PCDHGB2: variants seen among roughly 807,000 people sequenced by gnomAD.
PCDHGB2 encodes the protein protocadherin gamma-B2.
A neutral mutation model predicts 59.3 loss-of-function variants in PCDHGB2; 55 were observed. The observed-to-expected ratio is 0.93, with a 90% confidence interval of 0.75 to 1.16. The LOEUF is 1.16. Among genes scored for constraint, PCDHGB2 ranks in the 50% most tolerant of loss-of-function variants. The pLI, the probability that PCDHGB2 is intolerant of heterozygous loss-of-function variation, is 0.00. For missense variants in PCDHGB2, 1,228 were observed against 1,198.5 expected (o/e 1.02, Z -0.36); for synonymous variants, 516 against 512.0 (o/e 1.01, Z -0.11).
intron 1 of PCDHGB2, chr5:141,372,840 A>G (rs373804282): frequency 2.6e-6 from 4 of 1,521,774 alleles, no homozygotes; most frequent in Non-Finnish European, 3.5e-6. Context: ...CCTTCCATAA[A>G]TATAATTGGG....
chr5:141,447,428 G>C (rs542079336), intron 1 of PCDHGB2, among the ~76,000 whole-genome samples: 1 of 152,184 alleles, frequency 6.6e-6, no homozygotes, highest in African/African-American at 2.4e-5. Flanking sequence ...GTGAGCCACC[G>C]CACCCGGAGG....
intron 1 of PCDHGB2, chr5:141,374,688 G>A (rs750510871): frequency 3.1e-6 from 5 of 1,609,528 alleles, no homozygotes; most frequent in East Asian, 2.2e-5. Context: ...ACACTGGACC[G>A]GGAAGGAGAA....
chr5:141,403,816 A>G (rs2094457403), intron 1 of PCDHGB2: 4 of 1,613,874 alleles, frequency 2.5e-6, no homozygotes, highest in Non-Finnish European at 3.4e-6. Context: ...ATGAAAAACA[A>G]TCTCTGCTAT....
chr5:141,459,557 A>G (rs1052669136), intron 1 of PCDHGB2, among the ~76,000 whole-genome samples: 1 of 152,224 alleles, frequency 6.6e-6, no homozygotes, highest in East Asian at 1.9e-4. Context: ...TCTTGGATAA[A>G]TACCCCAAAA....
chr5:141,451,216 A>G (rs1561943760), intron 1 of PCDHGB2, among the ~76,000 whole-genome samples: 1 of 152,204 alleles, frequency 6.6e-6, no homozygotes, highest in Non-Finnish European at 1.5e-5. Context: ...TTAGTGGCTT[A>G]AAAGAAGCAT....
intron 1 of PCDHGB2, among the ~76,000 whole-genome samples, chr5:141,407,290 G>A (rs1025830566): frequency 3.3e-5 from 5 of 152,154 alleles, no homozygotes; most frequent in African/African-American, 1.2e-4. Context: ...TACAATTTCT[G>A]TTCTGAGGAG....
intron 1 of PCDHGB2, chr5:141,422,152 G>A (rs979405624): frequency 1.3e-5 from 20 of 1,575,764 alleles, no homozygotes; most frequent in Non-Finnish European, 1.5e-5. Flanking sequence ...GGGGTCTCTG[G>A]ATTTTGAAAA....
At chr5:141,443,980 T>A (rs2098412674) in intron 1 of PCDHGB2, among the ~76,000 whole-genome samples, 1 of 152,036 alleles carries the variant, frequency 6.6e-6, no homozygotes, top group South Asian at 2.1e-4. Context: ...CTAAGCTATG[T>A]TAATTTTATT....
At chr5:141,417,706 A>T in intron 1 of PCDHGB2, 1 of 1,214,910 alleles carries the variant, frequency 8.2e-7, no homozygotes, top group Non-Finnish European at 1.1e-6. Flanking sequence ...TCCCACACAG[A>T]GGCTCCCGGC....
At chr5:141,366,632 C>G (rs1232919866) in intron 1 of PCDHGB2, 1 of 1,614,252 alleles carries the variant, frequency 6.2e-7, no homozygotes. Context: ...GAAGAGTCAC[C>G]TGATCTTTCC....
At position 141,438,611 on chromosome 5, in the gene PCDHGB2, TATATATATATATATATATATATATACAC is replaced by T. The variant is rs1434670383; in HGVS notation, c.2422-56194_2422-56167del. On this transcript the variant is annotated intron_variant, in intron 1 of 3. Transcript: ENST00000522605. ...ACATACATATATATATATATATATA[TATATATATATATATATATATATATACAC>T]ACACACACACACATATATGTATATA... Among the ~76,000 whole-genome samples the T allele has an allele frequency of 2.7e-3, 107 of 39,370 alleles. 2 individuals are homozygous for T. Among genetic ancestry groups the T allele is most frequent in the Admixed American group, 0.019 (57 of 3,044 alleles). The allele number at this position is 39,370 out of a possible 152,430, so 25.8% of individuals were successfully genotyped here.
intron 1 of PCDHGB2, chr5:141,364,802 C>A (rs1312102403): frequency 6.8e-6 from 11 of 1,613,888 alleles, no homozygotes; most frequent in African/African-American, 5.3e-5. Flanking sequence ...TCCCTTCGCG[C>A]GGGATGCGGA....
intron 2 of PCDHGB2, among the ~76,000 whole-genome samples, chr5:141,497,621 C>T (rs769483223): frequency 7.3e-5 from 11 of 151,482 alleles, no homozygotes; most frequent in Non-Finnish European, 1.3e-4. Flanking sequence ...CTCACTGCAA[C>T]CTCTGCCTGC....
At chr5:141,394,968 T>C in intron 1 of PCDHGB2, 1 of 1,613,938 alleles carries the variant, frequency 6.2e-7, no homozygotes, top group Non-Finnish European at 8.5e-7. Context: ...GCTGAGGCGC[T>C]GGCACAAGTC....
At chr5:141,365,743 CT>C (rs2149881259) in intron 1 of PCDHGB2, 1 of 1,613,828 alleles carries the variant, frequency 6.2e-7, no homozygotes, top group Non-Finnish European at 8.5e-7. Context: ...GTGTCTCTAT[CT>C]TCTCTGTGAC....
rs762687404 is a variant in PCDHGB2 at position 141,486,468 on chromosome 5, A to G, written c.2422-8339A>G. Reference sequence around the variant, plus strand: ...ATGGTCACTGCTTCTGATGCTGGGAACCCTCCTCTCAGTACCCACAGAACT... The same window carrying G: ...ATGGTCACTGCTTCTGATGCTGGGAGCCCTCCTCTCAGTACCCACAGAACT... On this transcript the variant is annotated intron_variant, in intron 1 of 3. Transcript: ENST00000522605. This position sits in a 1 kb window ranked among gnomAD's most constrained non-coding sequence, Gnocchi z 5.0. The G allele has an allele frequency of 1.2e-6, 2 of 1,612,906 alleles. No individual in the cohort carries two copies. Among genetic ancestry groups the G allele is most frequent in the Middle Eastern group, 1.6e-4 (1 of 6,062 alleles).
intron 1 of PCDHGB2, chr5:141,393,135 A>T: frequency 6.2e-7 from 1 of 1,613,294 alleles, no homozygotes; most frequent in Non-Finnish European, 8.5e-7. Context: ...AAATATTAAC[A>T]CCCTGGTTGA....
Position 141,490,850 on chromosome 5 carries a change from G to A in PCDHGB2, c.2422-3957G>A, listed in dbSNP as rs374508743. The A allele has an allele frequency of 7.2e-5, 116 of 1,613,706 alleles. No homozygotes were observed. The highest frequency in any genetic ancestry group is 9.5e-5 in the Non-Finnish European group (112 of 1,179,902). ...ATGCTGCAGATTGTGGTGGGGGTTC[G>A]AGACTCCGGCTCTCCCCCATTGCAT... On this transcript the variant is annotated intron_variant, in intron 1 of 3. Transcript: ENST00000522605. This position sits in a 1 kb window ranked among gnomAD's most constrained non-coding sequence, Gnocchi z 5.4.
chr5:141,477,566 C>T lies in PCDHGB2; in HGVS notation c.2422-17241C>T, dbSNP rs749100730. On this transcript the variant is annotated intron_variant, in intron 1 of 3. Coordinates refer to ENST00000522605, the MANE Select transcript of PCDHGB2 (RefSeq NM_018923.3). The surrounding 1 kb of genome is among the most constrained non-coding windows in gnomAD (Gnocchi z 4.9). ...AATACTAAACCTAAGTGTCTGGGAC[C>T]CCGACGCCCCGCAGAATGCTCGGCT... The T allele has an allele frequency of 1.9e-6, 3 of 1,613,988 alleles. No homozygotes were observed. The highest frequency in any genetic ancestry group is 8.5e-7 in the Non-Finnish European group (1 of 1,180,032).
Sources: allele counts gnomAD v4.1 joint callset (sites outside exome capture counted in the v4.1 genomes callset), GRCh38; gene constraint gnomAD v4.1.1; non-coding constraint Gnocchi (gnomAD v3.1); transcripts MANE v1.5; gene names NCBI Gene and HGNC (gene_info 2026-07-23, HGNC 2026-07-21).